TRIM4: variants seen among roughly 807,000 people sequenced by gnomAD.
TRIM4 encodes the protein tripartite motif containing 4, also known as E3 ubiquitin-protein ligase TRIM4.
In TRIM4, 29 loss-of-function variants were observed where a neutral mutation model predicts 33.7. That is an observed-to-expected ratio of 0.86 (90% CI 0.64 to 1.17). The LOEUF is 1.17. Ranked by LOEUF, TRIM4 falls within the 50% of genes most tolerant of loss-of-function variation. The probability of loss-of-function intolerance (pLI) is 0.00; values close to 1 mark genes in which losing one functional copy is unlikely to be tolerated. For synonymous variants in TRIM4, 224 were observed against 233.0 expected, an observed-to-expected ratio of 0.96 and a Z score of 0.35; for missense variants, 554 against 593.7, an observed-to-expected ratio of 0.93 and a Z score of 0.69.
chr7:99,919,048 G>T lies in TRIM4; in HGVS notation c.354C>A (p.His118Gln), dbSNP rs1235143627. ...VCRESQEHQTHAMAPIDEAFE... is the reference protein window; with the variant it reads ...VCRESQEHQTQAMAPIDEAFE... ...AGGCCTCGTCGATGGGTGCCATGGC[G>T]TGAGTCTGGTGCTCCTGGGACTCCC... Residue 118 changes from histidine (H) to glutamine (Q), a missense_variant, in exon 1 of 6, where the codon CAC (histidine) becomes CAA (glutamine). Coordinates refer to ENST00000349062, the MANE Select transcript of TRIM4 (RefSeq NM_033091.3). 6.3e-7 allele frequency: 1 copy of T among 1,581,708 alleles called. No individual in the cohort carries two copies. The highest frequency in any genetic ancestry group is 8.6e-7 in the Non-Finnish European group (1 of 1,166,046).
At chr7:99,900,331 T>C (rs1219075539) in intron 5 of TRIM4, among the ~76,000 whole-genome samples, 1 of 152,004 alleles carries the variant, frequency 6.6e-6, no homozygotes, top group Non-Finnish European at 1.5e-5. Context: ...CCCACCCACA[T>C]TATGAAGGGC....
intron 5 of TRIM4, among the ~76,000 whole-genome samples, chr7:99,895,922 C>T (rs1384307072): frequency 1.3e-5 from 2 of 151,514 alleles, no homozygotes; most frequent in Non-Finnish European, 2.9e-5. Context: ...TAATGTGTTT[C>T]TTTTCCAGTA....
At chr7:99,908,963 TA>T in intron 2 of TRIM4, 151 bp from the exon 3 acceptor site, 2 of 638,784 alleles carry the variant, frequency 3.1e-6, no homozygotes, top group East Asian at 2.7e-5. Context: ...ATTACTCCTT[TA>T]TTTATACCTA....
At chr7:99,899,761 T>C (rs1318551736) in intron 5 of TRIM4, among the ~76,000 whole-genome samples, 2 of 152,148 alleles carry the variant, frequency 1.3e-5, no homozygotes, top group African/African-American at 2.4e-5. Context: ...GGTGGGTGTG[T>C]GTGCGCACAC....
At chr7:99,896,218 A>G (rs912265506) in intron 5 of TRIM4, among the ~76,000 whole-genome samples, 1 of 152,186 alleles carries the variant, frequency 6.6e-6, no homozygotes, top group East Asian at 1.9e-4. Flanking sequence ...CCTGACAGCA[A>G]TAACTCAAGC....
At chr7:99,916,666 T>C in intron 1 of TRIM4, 1 of 776,696 alleles carries the variant, frequency 1.3e-6, no homozygotes. Context: ...TCCCTCTCCA[T>C]CATCCCTGCC....
At chr7:99,914,899 T>G (rs1819520366) in intron 1 of TRIM4, among the ~76,000 whole-genome samples, 1 of 151,614 alleles carries the variant, frequency 6.6e-6, no homozygotes, top group South Asian at 2.1e-4. Context: ...AACCTCCGCC[T>G]CCCGGATTCA....
chr7:99,913,613 G>A (rs867764700), intron 1 of TRIM4, among the ~76,000 whole-genome samples: 6 of 152,164 alleles, frequency 3.9e-5, no homozygotes, highest in African/African-American at 1.4e-4. Context: ...GGAGGTTGCA[G>A]TGAGCTGGGA....
intron 2 of TRIM4, among the ~76,000 whole-genome samples, chr7:99,909,163 T>C (rs1478257282): frequency 1.3e-5 from 2 of 150,284 alleles, no homozygotes; most frequent in East Asian, 1.9e-4. Context: ...TGTGTGCGTG[T>C]GTGTGTGCAT....
In TRIM4 at chr7:99,916,670, C is replaced by T. The variant is rs755217789; in HGVS notation, c.393+2339G>A. ...CACTCCATCCCTCCCTCTCCATCAT[C>T]CCTGCCCTGAACTAATTCAGGTCTT... is the stretch of plus-strand genomic sequence containing the variant. On this transcript the variant is annotated intron_variant, in intron 1 of 5. Coordinates refer to ENST00000349062, the MANE Select transcript of TRIM4 (RefSeq NM_033091.3). The T allele has an allele frequency of 2.7e-5, 21 of 779,784 alleles. 1 individual carries two copies. The highest frequency in any genetic ancestry group is 1.6e-4 in the South Asian group (12 of 74,444). 48.3% of individuals were successfully genotyped at this position (779,784 alleles called of 1,614,324 possible).
Position 99,919,129 on chromosome 7 carries a change from C to T in TRIM4, c.273G>A (p.Trp91Ter). The T allele has an allele frequency of 6.6e-7, 1 of 1,513,148 alleles. No individual in the cohort carries two copies. The highest frequency in any genetic ancestry group is 8.9e-7 in the Non-Finnish European group (1 of 1,129,558). 93.7% of individuals were successfully genotyped at this position (1,513,148 alleles called of 1,614,324 possible). The change falls in exon 1 of 6, where the codon TGG (tryptophan) becomes TGA (stop). Residue 91 changes from tryptophan to a stop codon, truncating the protein, a stop_gained. Transcript: ENST00000349062. LOFTEE classifies it high-confidence loss of function. ...CCTCGCAGAAGAGCCGCAGCGGCTC[C>T]CAGTGGCGGCCGCACAGGCCCGGGG... Reference protein sequence around the residue: ...PVPPGLCGRHWEPLRLFCEDD... With the variant: ...PVPPGLCGRH
rs768053980 is a variant in TRIM4 at position 99,892,316 on chromosome 7, C to G, written c.1272G>C (p.Leu424=). The part of the protein sequence containing the change: ...EPALHRVGVY[L]DRGTGNVSFY... ...AGGAGACATTCCCAGTCCCACGATC[C>G]AGGTAAACCCCCACTCGGTGGAGAG... Residue 424 remains leucine, a synonymous_variant, in exon 6 of 6, where the codon CTG becomes CTC. Coordinates refer to ENST00000349062, the MANE Select transcript of TRIM4 (RefSeq NM_033091.3). The G allele has an allele frequency of 6.2e-7, 1 of 1,614,074 alleles. No homozygotes were observed. Among genetic ancestry groups the G allele is most frequent in the Non-Finnish European group, 8.5e-7 (1 of 1,180,048 alleles).
intron 4 of TRIM4, 95 bp downstream of exon 4, chr7:99,903,481 G>C: frequency 4.6e-6 from 7 of 1,534,272 alleles, no homozygotes; most frequent in South Asian, 1.1e-5. Flanking sequence ...GGTGTGCCCA[G>C]ACTGACCTAT....
In TRIM4 at chr7:99,892,448, A is replaced by C. The variant is rs757904380; in HGVS notation, c.1140T>G (p.Asp380Glu). Residue 380 changes from aspartate (D) to glutamate (E), a missense_variant, in exon 6 of 6, where the codon GAT (aspartate) becomes GAG (glutamate). By Grantham distance (45) the Asp-to-Glu change is conservative (BLOSUM62 2). Transcript: ENST00000349062. ...CCACATCTGGGGACATTTTTGAACG[A>C]TCAGTAATTCCCATGACGTCCTCCC... is the stretch of plus-strand genomic sequence containing the variant. Reference protein sequence around the residue: ...VCREDVMGITDRSKMSPDVGI... With the variant: ...VCREDVMGITERSKMSPDVGI... The C allele has an allele frequency of 6.2e-7, 1 of 1,614,068 alleles. No homozygotes were observed. Among genetic ancestry groups the C allele is most frequent in the South Asian group, 1.1e-5 (1 of 91,086 alleles).
intron 5 of TRIM4, among the ~76,000 whole-genome samples, chr7:99,898,622 G>C (rs984479068): frequency 6.6e-6 from 1 of 152,190 alleles, no homozygotes; most frequent in African/African-American, 2.4e-5. Flanking sequence ...GGCACTTCCA[G>C]AAGTGTGCAT....
intron 3 of TRIM4, among the ~76,000 whole-genome samples, chr7:99,903,821 A>G (rs1819233625): frequency 6.6e-6 from 1 of 152,146 alleles, no homozygotes; most frequent in Non-Finnish European, 1.5e-5. Context: ...CTCCTTTGGC[A>G]CTATGACATA....
chr7:99,917,867 A>C (rs1049120235), intron 1 of TRIM4: 4 of 985,028 alleles, frequency 4.1e-6, no homozygotes, highest in Non-Finnish European at 4.8e-6. Flanking sequence ...AAGGTCTTCA[A>C]GCTAAAAGCT....
At chr7:99,913,323 G>A (rs1819485038) in intron 1 of TRIM4, among the ~76,000 whole-genome samples, 1 of 152,090 alleles carries the variant, frequency 6.6e-6, no homozygotes, top group South Asian at 2.1e-4. Context: ...GAGGTGGCAG[G>A]AGCGCAACAC....
At chr7:99,903,069 C>A in intron 5 of TRIM4, 149 bp downstream of exon 5, 1 of 619,332 alleles carries the variant, frequency 1.6e-6, no homozygotes, top group Middle Eastern at 3.0e-4. Flanking sequence ...ATAAATGTTT[C>A]TTGAATGAAG....
Sources: allele counts gnomAD v4.1 joint callset (sites outside exome capture counted in the v4.1 genomes callset), GRCh38; gene constraint gnomAD v4.1.1; transcripts MANE v1.5; gene names NCBI Gene and HGNC (gene_info 2026-07-23, HGNC 2026-07-21).